Variants in SLC14A2 observed in about 807,000 individuals in gnomAD.
SLC14A2 encodes the protein urea transporter 2.
SLC14A2 carries 91 observed loss-of-function variants against 104.6 expected under a neutral mutation model. The ratio of observed to expected loss-of-function variants is 0.87; its 90% CI spans 0.73 to 1.04. The LOEUF (loss-of-function observed/expected upper bound fraction) is 1.04. SLC14A2 is among the 50% of genes least tolerant of loss of function. The pLI is 0.00. For missense variants in SLC14A2, 1,189 were observed against 1,156.0 expected (o/e 1.03, Z -0.41); for synonymous variants, 476 against 466.4 (o/e 1.02, Z -0.27).
intron 1 of SLC14A2, among the ~76,000 whole-genome samples, chr18:45,388,119 A>T (rs2144402916): frequency 8.2e-6 from 1 of 121,542 alleles, no homozygotes; most frequent in South Asian, 2.8e-4. Flanking sequence ...CTGTGTGCCC[A>T]GGCTGGAGTG....
rs139578001 is a variant in SLC14A2 at position 45,280,877 on chromosome 18, C to T, written c.-125+67686C>T. 6.3e-4 allele frequency among the ~76,000 whole-genome samples: 96 copies of T among 152,258 alleles called. No homozygotes were observed. In the East Asian group the frequency reaches 0.016, roughly 25 times the overall value. ...TCACCTAACCCTGCCACCAGCATCC[C>T]ACCATCCCAGCATCGCTGTGCCTTT... On this transcript the variant is annotated intron_variant, in intron 1 of 20. Coordinates refer to the SLC14A2 transcript ENST00000586448.
rs78923525 is a variant in SLC14A2 at position 45,347,811 on chromosome 18, C to G, written c.-125+134620C>G. Among the ~76,000 whole-genome samples, 923 of 152,332 alleles carry G rather than the reference C, an allele frequency of 6.1e-3. 11 individuals carry two copies. Among genetic ancestry groups the G allele is most frequent in the African/African-American group, 0.021 (862 of 41,556 alleles). The stretch of plus-strand genomic sequence containing the variant: ...CATGTTGCCACAGACACTTCCAGAA[C>G]AGGCCACTCAGAATGATTGCACTCA... On this transcript the variant is annotated intron_variant, in intron 1 of 20. Coordinates refer to the SLC14A2 transcript ENST00000586448.
chr18:45,403,187 G>T (rs532914700), intron 1 of SLC14A2, among the ~76,000 whole-genome samples: 142 of 152,252 alleles, frequency 9.3e-4, no homozygotes, highest in African/African-American at 3.1e-3. Context: ...TTTCTTCTGT[G>T]CATGAGGAGA....
intron 1 of SLC14A2, among the ~76,000 whole-genome samples, chr18:45,376,687 G>C (rs1384528787): frequency 1.3e-5 from 2 of 152,272 alleles, no homozygotes; most frequent in Middle Eastern, 6.8e-3. Context: ...TTTGAGATGA[G>C]TACAGGGTGG....
At chr18:45,385,884 T>C (rs894089861) in intron 1 of SLC14A2, among the ~76,000 whole-genome samples, 37 of 152,024 alleles carry the variant, frequency 2.4e-4, no homozygotes, top group Admixed American at 5.2e-4. Flanking sequence ...TCAGAAAAGA[T>C]GGAAATAAAG....
upstream of SLC14A2, among the ~76,000 whole-genome samples, chr18:45,208,603 C>T (rs922431005): frequency 6.6e-6 from 1 of 152,120 alleles, no homozygotes; most frequent in Admixed American, 6.5e-5. Context: ...TCAGAGTAAG[C>T]CTCGTTAGTT....
chr18:45,182,596 A>T, the SLC14A2 span, among the ~76,000 whole-genome samples: 1 of 152,066 alleles, frequency 6.6e-6, no homozygotes, highest in African/African-American at 2.4e-5. Flanking sequence ...GAAAAGATAC[A>T]TAGACATCAG....
chr18:45,581,754 G>A (rs899729623), intron 2 of SLC14A2, among the ~76,000 whole-genome samples: 21 of 152,118 alleles, frequency 1.4e-4, no homozygotes, highest in Admixed American at 4.6e-4. Flanking sequence ...GTTATCCAGC[G>A]GACTCTGAGT....
the SLC14A2 span, among the ~76,000 whole-genome samples, chr18:45,172,002 A>G: frequency 6.6e-6 from 1 of 152,180 alleles, no homozygotes; most frequent in African/African-American, 2.4e-5. Flanking sequence ...TATTTTCCAC[A>G]GACAATGAAA....
intron 1 of SLC14A2, among the ~76,000 whole-genome samples, chr18:45,373,564 T>C (rs1420710366): frequency 2.0e-5 from 3 of 152,202 alleles, no homozygotes; most frequent in Non-Finnish European, 2.9e-5. Context: ...GAGGCTTAAG[T>C]GGAACACCAG....
intron 1 of SLC14A2, among the ~76,000 whole-genome samples, chr18:45,254,447 T>C (rs1330675241): frequency 1.3e-5 from 2 of 152,162 alleles, no homozygotes; most frequent in East Asian, 3.9e-4. Context: ...TCACATGAGC[T>C]GAGATGCTGA....
At chr18:45,473,951 G>A (rs2087302351) in intron 1 of SLC14A2, among the ~76,000 whole-genome samples, 2 of 152,168 alleles carry the variant, frequency 1.3e-5, no homozygotes, top group South Asian at 2.1e-4. Context: ...TACTTGTCTT[G>A]TGCCAGTTTT....
At chr18:45,196,817 A>C in the SLC14A2 span, among the ~76,000 whole-genome samples, 1 of 152,244 alleles carries the variant, frequency 6.6e-6, no homozygotes, top group African/African-American at 2.4e-5. Flanking sequence ...CTGTTCTCAA[A>C]GGGCTTTTCC....
chr18:45,191,756 C>A, the SLC14A2 span, among the ~76,000 whole-genome samples: 1 of 152,220 alleles, frequency 6.6e-6, no homozygotes, highest in East Asian at 1.9e-4. Flanking sequence ...CAAGCAGACA[C>A]CCCTGGGTGT....
intron 1 of SLC14A2, among the ~76,000 whole-genome samples, chr18:45,331,466 C>A (rs538645356): frequency 9.2e-5 from 14 of 151,724 alleles, no homozygotes; most frequent in African/African-American, 3.1e-4. Flanking sequence ...CTGAGGCAGG[C>A]GGATCACAAG....
chr18:45,274,098 G>A (rs1165409482), intron 1 of SLC14A2, among the ~76,000 whole-genome samples: 1 of 152,024 alleles, frequency 6.6e-6, no homozygotes, highest in Non-Finnish European at 1.5e-5. Flanking sequence ...CCCTTGTATT[G>A]GTGATAGCAC....
intron 1 of SLC14A2, among the ~76,000 whole-genome samples, chr18:45,400,264 A>G (rs2086081428): frequency 1.3e-5 from 2 of 152,102 alleles, no homozygotes; most frequent in South Asian, 4.1e-4. Flanking sequence ...TCAATCTCAA[A>G]CAGTCCTTCA....
chr18:45,432,598 C>A (rs564600763), intron 1 of SLC14A2, among the ~76,000 whole-genome samples: 6 of 152,184 alleles, frequency 3.9e-5, no homozygotes, highest in African/African-American at 1.4e-4. Context: ...ACTGCAATTT[C>A]TCTGCAGCAG....
chr18:45,355,329 A>T (rs979346331), intron 1 of SLC14A2, among the ~76,000 whole-genome samples: 1 of 152,046 alleles, frequency 6.6e-6, no homozygotes, highest in African/African-American at 2.4e-5. Context: ...TAATCCCAGC[A>T]CTTTGGGAGG....
Sources: allele counts gnomAD v4.1 joint callset (sites outside exome capture counted in the v4.1 genomes callset), GRCh38; gene constraint gnomAD v4.1.1; transcripts MANE v1.5; gene names NCBI Gene and HGNC (gene_info 2026-07-23, HGNC 2026-07-21).